The following COL14A1 variants were observed in gnomAD, a reference collection of about 807,000 sequenced individuals.
The protein encoded by COL14A1 is collagen alpha-1(XIV) chain.
In COL14A1, 136 loss-of-function variants were observed where a neutral mutation model predicts 230.3. The observed-to-expected ratio is 0.59, with a 90% CI of 0.51 to 0.68. The LOEUF is 0.68. Ranked by LOEUF, COL14A1 falls within the 30% of genes least tolerant of loss-of-function variation. COL14A1 has a pLI of 0.00. For missense variants in COL14A1, 1,976 were observed against 2,215.8 expected (o/e 0.89, Z 2.17); for synonymous variants, 792 against 784.1 (o/e 1.01, Z -0.17).
intron 36 of COL14A1, among the ~76,000 whole-genome samples, chr8:120,301,510 C>T (rs1279091671): frequency 6.6e-6 from 1 of 152,098 alleles, no homozygotes. Context: ...CTGCTCCATC[C>T]ATGTTCCCAC....
At chr8:120,124,938 G>C (rs921375958), upstream of COL14A1, among the ~76,000 whole-genome samples, 2 of 152,200 alleles carry the variant, frequency 1.3e-5, no homozygotes, top group Non-Finnish European at 2.9e-5. Context: ...GCGCGTGAGC[G>C]GCACGGGGCT....
intron 8 of COL14A1, among the ~76,000 whole-genome samples, chr8:120,200,453 C>T (rs187084192): frequency 3.8e-4 from 58 of 151,758 alleles, no homozygotes; most frequent in African/African-American, 1.4e-3. Flanking sequence ...AAAGATAGTA[C>T]TCTCTGCTCT....
At chr8:120,307,790 C>T (rs1264539558) in intron 36 of COL14A1, among the ~76,000 whole-genome samples, 1 of 152,132 alleles carries the variant, frequency 6.6e-6, no homozygotes, top group Non-Finnish European at 1.5e-5. Context: ...TTTAAGGAAA[C>T]AGGGACCCTC....
intron 8 of COL14A1, among the ~76,000 whole-genome samples, chr8:120,202,370 A>G (rs1014867562): frequency 6.6e-6 from 1 of 152,230 alleles, no homozygotes; most frequent in Non-Finnish European, 1.5e-5. Flanking sequence ...GGGTTGAAAG[A>G]TAAATTAATT....
At chr8:120,140,205 C>T (rs114767419) in intron 1 of COL14A1, among the ~76,000 whole-genome samples, 2 of 152,188 alleles carry the variant, frequency 1.3e-5, no homozygotes, top group Non-Finnish European at 1.5e-5. Flanking sequence ...TCTATTCATA[C>T]CACCACCTGT....
At chr8:120,177,855 A>G (rs1227805030) in intron 5 of COL14A1, among the ~76,000 whole-genome samples, 3 of 151,886 alleles carry the variant, frequency 2.0e-5, no homozygotes, top group Non-Finnish European at 4.4e-5. Context: ...GAACATAAAG[A>G]GTTCTGAAGA....
intron 9 of COL14A1, among the ~76,000 whole-genome samples, chr8:120,205,331 G>T (rs914992274): frequency 6.6e-6 from 1 of 152,124 alleles, no homozygotes; most frequent in African/African-American, 2.4e-5. Context: ...GAGCTCCTGA[G>T]CCCTGTAGTT....
At chr8:120,362,555 C>T (rs932400535) in intron 45 of COL14A1, among the ~76,000 whole-genome samples, 6 of 152,116 alleles carry the variant, frequency 3.9e-5, no homozygotes, top group South Asian at 2.1e-4. Context: ...AAAATATTGA[C>T]GAGTCAGTGT....
At position 120,162,416 on chromosome 8, in the gene COL14A1, T is replaced by C. The variant is rs1815709367; in HGVS notation, c.206-10T>C. ...TCTTAGAACTGATTTATTTTTCTCT[T>C]TTATTATAGGTGGAAAAACTAACCA... On this transcript the variant is annotated splice_polypyrimidine_tract_variant and intron_variant, in intron 3 of 47. Coordinates refer to ENST00000297848, the MANE Select transcript of COL14A1 (RefSeq NM_021110.4). 1.3e-6 allele frequency: 2 copies of C among 1,586,744 alleles called. No homozygotes were observed. The highest frequency in any genetic ancestry group is 2.7e-5 in the African/African-American group (2 of 73,332).
At chr8:120,152,475 A>C (rs1419546706) in intron 2 of COL14A1, among the ~76,000 whole-genome samples, 81 of 150,558 alleles carry the variant, frequency 5.4e-4, no homozygotes, top group Non-Finnish European at 2.1e-4. Context: ...ATCTCAAAAA[A>C]AAAAAAAAAA....
chr8:120,199,657 G>T (rs1817163916), intron 8 of COL14A1, 91 bp downstream of exon 8: 2 of 1,367,628 alleles, frequency 1.5e-6, no homozygotes, highest in Non-Finnish European at 2.0e-6. Context: ...TTCACTGAAA[G>T]CCAGGAGACC....
intron 34 of COL14A1, among the ~76,000 whole-genome samples, chr8:120,295,840 A>G (rs1399693043): frequency 6.6e-6 from 1 of 151,908 alleles, no homozygotes; most frequent in Non-Finnish European, 1.5e-5. Flanking sequence ...ATGCCAAGAC[A>G]TTAAATAATT....
At chr8:120,232,271 TTA>T (rs1343045789) in intron 19 of COL14A1, among the ~76,000 whole-genome samples, 2 of 152,168 alleles carry the variant, frequency 1.3e-5, no homozygotes, top group African/African-American at 4.8e-5. Context: ...TCTAATTTAT[TTA>T]TCTTTTTTTA....
chr8:120,204,154 T>A (rs1022406547), intron 9 of COL14A1, among the ~76,000 whole-genome samples: 1 of 152,216 alleles, frequency 6.6e-6, no homozygotes, highest in African/African-American at 2.4e-5. Context: ...AAATACAGTT[T>A]GTAAGAAATA....
intron 1 of COL14A1, among the ~76,000 whole-genome samples, chr8:120,134,418 C>T (rs1485451346): frequency 1.3e-5 from 2 of 151,930 alleles, no homozygotes; most frequent in African/African-American, 2.4e-5. Flanking sequence ...ATTGGATAGA[C>T]ATGGAGAATA....
At chr8:120,198,857 T>G (rs571502584) in intron 7 of COL14A1, among the ~76,000 whole-genome samples, 3 of 152,338 alleles carry the variant, frequency 2.0e-5, no homozygotes, top group Non-Finnish European at 4.4e-5. Context: ...GAATTTTTGT[T>G]AATGCAGCAA....
At chr8:120,255,098 A>G in intron 22 of COL14A1, 142 bp from the exon 23 acceptor site, 1 of 701,434 alleles carries the variant, frequency 1.4e-6, no homozygotes, top group South Asian at 1.6e-5. Flanking sequence ...TCTTTTGTAT[A>G]CTAACTCATT....
chr8:120,196,132 T>A (rs1217745327), intron 5 of COL14A1, among the ~76,000 whole-genome samples: 3 of 152,196 alleles, frequency 2.0e-5, no homozygotes, highest in Non-Finnish European at 4.4e-5. Flanking sequence ...CTGAGCCATT[T>A]AAAAAAATCA....
chr8:120,198,844 G>A (rs1490165459), intron 7 of COL14A1, among the ~76,000 whole-genome samples: 6 of 152,130 alleles, frequency 3.9e-5, no homozygotes, highest in African/African-American at 1.4e-4. Context: ...GCAAAGTCTC[G>A]TGGAATTTTT....
Sources: gnomAD v4.1 joint callset for allele counts (sites outside exome capture counted in the v4.1 genomes callset) on GRCh38, gnomAD v4.1.1 for gene constraint, MANE v1.5 for transcripts, NCBI Gene and HGNC (gene_info 2026-07-23, HGNC 2026-07-21) for gene names.